CASP8: variants seen among roughly 807,000 people sequenced by gnomAD.
The protein encoded by CASP8 is caspase-8.
Under a neutral mutation model 46.3 loss-of-function variants are expected in CASP8, and 24 were observed. The observed-to-expected ratio is 0.52, with a 90% CI of 0.38 to 0.73. CASP8 has a LOEUF of 0.73. Ranked by LOEUF, CASP8 falls within the 30% of genes least tolerant of loss-of-function variation. The pLI is 0.00. For synonymous variants in CASP8, 188 were observed against 200.4 expected, an observed-to-expected ratio of 0.94 and a Z score of 0.52; for missense variants, 460 against 559.0, an observed-to-expected ratio of 0.82 and a Z score of 1.79.
At chr2:201,258,224 G>A, upstream of CASP8, 1 of 1,606,682 alleles carries the variant, frequency 6.2e-7, no homozygotes, top group Non-Finnish European at 8.5e-7. Flanking sequence ...TCAACAGGAA[G>A]TGAGGCCATG....
intron 7 of CASP8, chr2:201,277,702 A>ATT (rs60513589): frequency 2.0e-3 from 798 of 402,424 alleles, no homozygotes; most frequent in East Asian, 3.8e-3. Context: ...CCCTATTAAC[A>ATT]TTTTTTTTTT....
At chr2:201,246,227 C>G (rs1946513573) in intron 2 of CASP8, among the ~76,000 whole-genome samples, 2 of 152,168 alleles carry the variant, frequency 1.3e-5, no homozygotes, top group Non-Finnish European at 1.5e-5. Context: ...CGTTTTCAGT[C>G]TGGCATGTGT....
chr2:201,258,481 A>G (rs1947149246), upstream of CASP8: 7 of 1,411,926 alleles, frequency 5.0e-6, no homozygotes, highest in Non-Finnish European at 7.0e-6. Flanking sequence ...TGGGGAAGCA[A>G]CTTGGATCTG....
chr2:201,244,560 T>C (rs1946430682), intron 2 of CASP8, among the ~76,000 whole-genome samples: 1 of 151,916 alleles, frequency 6.6e-6, no homozygotes, highest in Non-Finnish European at 1.5e-5. Flanking sequence ...GATCCTCTGA[T>C]GACTAAAAAA....
At position 201,273,446 on chromosome 2, in the gene CASP8, T is replaced by A. The variant is rs1032541779; in HGVS notation, c.595+504T>A. Among the ~76,000 whole-genome samples the A allele has an allele frequency of 4.9e-4, 74 of 152,178 alleles. 2 individuals carry two copies. The highest frequency in any genetic ancestry group is 9.8e-4 in the Non-Finnish European group (67 of 68,032). ...CAGTAGTAAGTAATTTAACATCATT[T>A]TTTCTATGTGGCTTTTTTTTTCTCC... On this transcript the variant is annotated intron_variant, in intron 5 of 8. Transcript: ENST00000673742.
At chr2:201,278,343 C>G (rs1233324758) in intron 7 of CASP8, among the ~76,000 whole-genome samples, 1 of 152,118 alleles carries the variant, frequency 6.6e-6, no homozygotes, top group East Asian at 1.9e-4. Flanking sequence ...TGAGAGACTC[C>G]CTTCTGTCCT....
chr2:201,286,755 ACAGGGG>A lies in CASP8; in HGVS notation c.*163_*168del. 1 of 592,542 alleles carries A rather than the reference ACAGGGG, an allele frequency of 1.7e-6. No individual in the cohort carries two copies. Among genetic ancestry groups the A allele is most frequent in the Non-Finnish European group, 3.0e-6 (1 of 330,348 alleles). 36.7% of individuals were successfully genotyped at this position (592,542 alleles called of 1,614,324 possible). A position where few individuals can be genotyped will look rare whatever the true frequency, so the allele number is the denominator to read the frequency against. ...CTCAGCCTCCCGAGTAGCTGGGACT[ACAGGGG>A]CCCGCCACCACACCTGGCTAATTTT... On this transcript the variant is annotated 3_prime_UTR_variant, in exon 9 of 9. Coordinates refer to ENST00000673742, the MANE Select transcript of CASP8 (RefSeq NM_001372051.1).
In CASP8 at chr2:201,271,590, A is replaced by G. The variant is rs1948250154; in HGVS notation, c.380A>G (p.Glu127Gly). Reference protein sequence around the residue: ...LRSFKFLLQEEISKCKLDDDM... With the variant: ...LRSFKFLLQEGISKCKLDDDM... ...TCTTTTAAGTTTCTTTTGCAAGAGG[A>G]AATCTCCAAATGCAAACTGGATGAT... The change falls in exon 3 of 9, where the codon GAA becomes GGA. Residue 127 changes from glutamate (E) to glycine (G), a missense_variant. Coordinates refer to ENST00000673742, the MANE Select transcript of CASP8 (RefSeq NM_001372051.1). 4 of 1,604,720 alleles carry G rather than the reference A, an allele frequency of 2.5e-6. No individual in the cohort carries two copies. The highest frequency in any genetic ancestry group is 3.4e-6 in the Non-Finnish European group (4 of 1,171,372).
At chr2:201,277,053 C>A (rs1159637085) in intron 7 of CASP8, 85 bp downstream of exon 7, 2 of 914,410 alleles carry the variant, frequency 2.2e-6, no homozygotes, top group East Asian at 2.6e-5. Flanking sequence ...AAAAGCTATA[C>A]CAAAAGGGCC....
In CASP8 at chr2:201,237,085, ATTTTTTTTT is replaced by A. The variant is rs34775964; in HGVS notation, c.-27+2988_-27+2996del. Among the ~76,000 whole-genome samples the A allele has an allele frequency of 5.7e-5, 5 of 88,084 alleles. 1 individual carries two copies. The South Asian group carries it at 1.4e-3, about 25-fold the overall frequency. 57.8% of individuals were successfully genotyped at this position (88,084 alleles called of 152,430 possible). On this transcript the variant is annotated intron_variant, in intron 2 of 6. Transcript: ENST00000264274. ...CTTTTCCCCAGTATGACCCCTTTCT[ATTTTTTTTT>A]TTTTTTTTTTTTTTGAGACAGAGTC...
In CASP8 at chr2:201,285,405, T is replaced by G. The variant is rs576411016; in HGVS notation, c.1304+88T>G. On this transcript the variant is annotated intron_variant, in intron 8 of 8. Transcript: ENST00000673742. ...CTACTATCTACTCATATTCAGAGCCTATTAGAAAGTGCTATGTGATTTAGA... is the reference window on the plus strand; with the variant it reads ...CTACTATCTACTCATATTCAGAGCCGATTAGAAAGTGCTATGTGATTTAGA... The G allele has an allele frequency of 2.7e-6, 4 of 1,474,038 alleles. No individual in the cohort carries two copies. In the African/African-American group the frequency reaches 5.5e-5, roughly 20 times the overall value. 91.3% of individuals were successfully genotyped at this position (1,474,038 alleles called of 1,614,324 possible).
rs376330981 is a variant in CASP8, at chr2:201,266,788, A to G, written c.302A>G (p.Tyr101Cys). Residue 101 changes from tyrosine (Y) to cysteine (C), a missense_variant, in exon 2 of 9, where the codon TAC becomes TGC. Transcript: ENST00000673742. This position sits in a 1 kb window ranked among gnomAD's most constrained non-coding sequence, Gnocchi z 5.7. ...CCAGGCAGGGCTCAAATTTCTGCCTACAGGTGGGTGGAAACTCCCATTGTG... is the reference window on the plus strand; with the variant it reads ...CCAGGCAGGGCTCAAATTTCTGCCTGCAGGTGGGTGGAAACTCCCATTGTG... ...QTPGRAQISA[Y>C]RVMLYQISEE... The G allele has an allele frequency of 1.9e-6, 3 of 1,611,244 alleles. No homozygotes were observed. The highest frequency in any genetic ancestry group is 2.5e-6 in the Non-Finnish European group (3 of 1,178,004).
upstream of CASP8, among the ~76,000 whole-genome samples, chr2:201,257,468 C>G (rs1450500423): frequency 7.8e-6 from 1 of 127,406 alleles, no homozygotes; most frequent in Non-Finnish European, 1.6e-5. Context: ...GGCAACGCAC[C>G]GAGACTCCGT....
chr2:201,268,805 A>C (rs1490501780), intron 2 of CASP8, among the ~76,000 whole-genome samples: 1 of 152,096 alleles, frequency 6.6e-6, no homozygotes, highest in Non-Finnish European at 1.5e-5. Context: ...GATGAGGCAC[A>C]GCAGTCTCTG....
intron 2 of CASP8, among the ~76,000 whole-genome samples, chr2:201,245,726 C>T (rs1436805741): frequency 6.6e-6 from 1 of 152,238 alleles, no homozygotes; most frequent in Non-Finnish European, 1.5e-5. Context: ...CCTGCTGCTG[C>T]AGGCCAGGTC....
intron 2 of CASP8, among the ~76,000 whole-genome samples, chr2:201,236,079 C>T (rs367811099): frequency 5.1e-4 from 77 of 152,230 alleles, no homozygotes; most frequent in East Asian, 3.3e-3. Context: ...CATTAAGTGA[C>T]GTATGACTGT....
At chr2:201,269,693 G>C (rs1250127666) in intron 2 of CASP8, 3 of 869,990 alleles carry the variant, frequency 3.4e-6, no homozygotes, top group East Asian at 5.2e-5. Flanking sequence ...CATTATCATT[G>C]AATACTAGCC....
chr2:201,237,083 C>CTTTTTTT (rs1296037627), intron 2 of CASP8, among the ~76,000 whole-genome samples: 6 of 121,348 alleles, frequency 4.9e-5, no homozygotes, highest in African/African-American at 1.4e-4. Context: ...TGACCCCTTT[C>CTTTTTTT]TATTTTTTTT....
rs1576396550 is a variant in CASP8, at chr2:201,286,813, G to A, written c.*219G>A. 2.3e-6 allele frequency: 1 copy of A among 439,118 alleles called. No homozygotes were observed. Among genetic ancestry groups the A allele is most frequent in the East Asian group, 4.6e-5 (1 of 21,744 alleles). The allele number at this position is 439,118 out of a possible 1,614,324, so 27.2% of individuals were successfully genotyped here. ...TAAAAATATTTTTAGTAGAGACAGGGTTTCACTGTGTTAGCCAGGGTGGTC... is the reference window on the plus strand; with the variant it reads ...TAAAAATATTTTTAGTAGAGACAGGATTTCACTGTGTTAGCCAGGGTGGTC... On this transcript the variant is annotated 3_prime_UTR_variant, in exon 9 of 9. Coordinates refer to ENST00000673742, the MANE Select transcript of CASP8 (RefSeq NM_001372051.1).
Sources: gnomAD v4.1 joint callset for allele counts (sites outside exome capture counted in the v4.1 genomes callset) on GRCh38, gnomAD v4.1.1 for gene constraint, Gnocchi (gnomAD v3.1) non-coding constraint, MANE v1.5 for transcripts, NCBI Gene and HGNC (gene_info 2026-07-23, HGNC 2026-07-21) for gene names.